The following CDC45 variants were observed in gnomAD, a reference collection of about 807,000 sequenced individuals.
The protein encoded by CDC45 is cell division cycle 45, also known as cell division control protein 45 homolog.
Under a neutral mutation model 77.8 loss-of-function variants are expected in CDC45, and 54 were observed. That is an observed-to-expected ratio of 0.69 (90% CI 0.56 to 0.87). CDC45 has a LOEUF of 0.87. Among genes scored for constraint, CDC45 ranks in the 40% least tolerant of loss-of-function variants. The probability of loss-of-function intolerance (pLI) is 0.00; values close to 1 mark genes in which losing one functional copy is unlikely to be tolerated. For missense variants in CDC45, 649 were observed against 721.6 expected, an observed-to-expected ratio of 0.90 and a Z score of 1.15; for synonymous variants, 260 against 272.1, an observed-to-expected ratio of 0.96 and a Z score of 0.44.
intron 9 of CDC45, 54 bp from the exon 10 acceptor site, chr22:19,505,308 G>A (rs1461840149): frequency 6.2e-7 from 1 of 1,612,604 alleles, no homozygotes; most frequent in African/African-American, 1.3e-5. Flanking sequence ...GGCTTAGGCT[G>A]CCTGGTAAGA....
rs185630685 is a variant in CDC45, at chr22:19,520,265, C to T, written c.*2-216C>T. 3.9e-5 allele frequency among the ~76,000 whole-genome samples: 6 copies of T among 152,106 alleles called. No individual in the cohort carries two copies. In the East Asian group the frequency reaches 5.8e-4, roughly 15 times the overall value. The stretch of plus-strand genomic sequence containing the variant: ...GGGGTCCGTGAGGTAAGAAGGTGCC[C>T]GGGCCAGGGGGCAGGAGCTCTGATG... On this transcript the variant is annotated intron_variant, in intron 18 of 18. Coordinates refer to ENST00000263201, the MANE Select transcript of CDC45 (RefSeq NM_003504.5). The surrounding 1 kb of genome is among the most constrained non-coding windows in gnomAD (Gnocchi z 4.5).
intron 10 of CDC45, 89 bp from the exon 11 acceptor site, chr22:19,507,297 C>T (rs1340052962): frequency 9.3e-6 from 14 of 1,500,658 alleles, no homozygotes; most frequent in African/African-American, 2.7e-5. Flanking sequence ...GAGAAAGGGC[C>T]CCGCCATCAG....
chr22:19,489,514 C>T (rs1006530981), intron 5 of CDC45, among the ~76,000 whole-genome samples: 8 of 152,046 alleles, frequency 5.3e-5, no homozygotes, highest in Non-Finnish European at 8.8e-5. Flanking sequence ...TTGGGATTGG[C>T]TTTTTTTCGC....
chr22:19,514,597 C>A (rs545681739), intron 13 of CDC45, 152 bp from the exon 14 acceptor site: 6 of 636,634 alleles, frequency 9.4e-6, no homozygotes, highest in African/African-American at 7.3e-5. Context: ...TCTTTCCTTT[C>A]ATGTGAAAGA....
Position 19,516,910 on chromosome 22 carries a change from A to G in CDC45, c.1636+17A>G. The G allele has an allele frequency of 1.3e-6, 2 of 1,599,626 alleles. No individual in the cohort carries two copies. The highest frequency in any genetic ancestry group is 1.7e-4 in the Middle Eastern group (1 of 6,026). ...ACCTCTCAGGTGAGAGTCTCCTGCC[A>G]CTCTGCCACACTTTCCCACCTGACC... On this transcript the variant is annotated intron_variant, in intron 17 of 18. Coordinates refer to ENST00000263201, the MANE Select transcript of CDC45 (RefSeq NM_003504.5).
At chr22:19,480,076 G>C in intron 1 of CDC45, 57 bp downstream of exon 1, 6 of 1,612,796 alleles carry the variant, frequency 3.7e-6, no homozygotes, top group Non-Finnish European at 4.2e-6. Flanking sequence ...GGGATGAGGG[G>C]GAGCGACCGT....
Position 19,510,612 on chromosome 22 carries a change from T to A in CDC45, c.1217+1921T>A, listed in dbSNP as rs147867345. On this transcript the variant is annotated intron_variant, in intron 13 of 18. Transcript: ENST00000263201. ...GGCACGCTCTCGGCTCACTGCAACC[T>A]TCGCCTCCTGGGTTCAAGCAATTCT... is the stretch of plus-strand genomic sequence containing the variant. 3.3e-3 allele frequency among the ~76,000 whole-genome samples: 504 copies of A among 152,250 alleles called. 5 individuals are homozygous for A. The highest frequency in any genetic ancestry group is 0.012 in the African/African-American group (483 of 41,544).
At chr22:19,508,002 C>T (rs561466314) in intron 12 of CDC45, 138 bp downstream of exon 12, 2 of 622,442 alleles carry the variant, frequency 3.2e-6, no homozygotes, top group Admixed American at 3.3e-5. Flanking sequence ...AACAACAACC[C>T]GAGAATGTAC....
chr22:19,507,770 C>A lies in CDC45; in HGVS notation c.961C>A (p.Pro321Thr). 2 of 1,594,382 alleles carry A rather than the reference C, an allele frequency of 1.3e-6. No homozygotes were observed. The highest frequency in any genetic ancestry group is 1.7e-6 in the Non-Finnish European group (2 of 1,171,822). ...GCTTGGGCTTGCTCTTTCCAGTCTT[C>A]CCCTGAAGCAGGTGAAGCAGAAGTT... is the stretch of plus-strand genomic sequence containing the variant. ...LQEFLADMGL[P>T]LKQVKQKFQA... The change falls in exon 12 of 19, where the codon CCC becomes ACC. Residue 321 changes from proline (P) to threonine (T), a missense_variant. Coordinates refer to ENST00000263201, the MANE Select transcript of CDC45 (RefSeq NM_003504.5).
rs775174230 is a variant in CDC45, at chr22:19,516,665, C to A, written c.1559+20C>A. ...GAAGAAGTGAGCAGCTTCCACTCGTCCTGGGACTGGAGGGTCGGGGGTGTT... is the reference window on the plus strand; with the variant it reads ...GAAGAAGTGAGCAGCTTCCACTCGTACTGGGACTGGAGGGTCGGGGGTGTT... On this transcript the variant is annotated intron_variant, in intron 16 of 18. Coordinates refer to ENST00000263201, the MANE Select transcript of CDC45 (RefSeq NM_003504.5). 6.3e-7 allele frequency: 1 copy of A among 1,597,866 alleles called. No homozygotes were observed. The highest frequency in any genetic ancestry group is 1.1e-5 in the South Asian group (1 of 90,726).
intron 18 of CDC45, 39 bp downstream of exon 18, chr22:19,518,948 C>T (rs1218529589): frequency 6.8e-7 from 1 of 1,470,740 alleles, no homozygotes; most frequent in Non-Finnish European, 9.5e-7. Flanking sequence ...CTGCAGCAGC[C>T]CCCTCAGAGC....
At chr22:19,506,342 C>T (rs1226141794) in intron 10 of CDC45, among the ~76,000 whole-genome samples, 1 of 152,016 alleles carries the variant, frequency 6.6e-6, no homozygotes, top group African/African-American at 2.4e-5. Context: ...ATGTGCGTGG[C>T]AGGGTGGGCT....
chr22:19,494,666 A>G (rs1568920988), intron 6 of CDC45: 1 of 1,058,454 alleles, frequency 9.4e-7, no homozygotes, highest in Non-Finnish European at 1.4e-6. Context: ...TTTCCAATGT[A>G]GATACTTTGA....
chr22:19,501,404 A>G (rs1219389304), intron 9 of CDC45, among the ~76,000 whole-genome samples: 1 of 152,198 alleles, frequency 6.6e-6, no homozygotes, highest in Non-Finnish European at 1.5e-5. Flanking sequence ...CAGCAAAGAC[A>G]GTTTCTGGTT....
rs13447189 is a variant in CDC45, at chr22:19,480,991, T to C, written c.150T>C (p.Val50=). The C allele has an allele frequency of 0.049, 79,191 of 1,612,896 alleles. 2,762 individuals are homozygous for C. The highest frequency in any genetic ancestry group is 0.13 in the South Asian group (11,845 of 90,834). Residue 50 remains valine, a synonymous_variant, in exon 3 of 19, where the codon GTT becomes GTC. Coordinates refer to ENST00000263201, the MANE Select transcript of CDC45 (RefSeq NM_003504.5). ...FQCDHVQYTL[V]PVSGWQELET... ...GTGACCACGTGCAATATACGCTGGT[T>C]CCAGTTTCTGGGTGGCAAGAACTTG... is the stretch of plus-strand genomic sequence containing the variant.
At chr22:19,515,146 G>T in intron 15 of CDC45, 98 bp downstream of exon 15, 4 of 1,102,278 alleles carry the variant, frequency 3.6e-6, no homozygotes, top group Non-Finnish European at 5.1e-6. Context: ...GCCTGTGGCT[G>T]TTGACCAGCT....
intron 12 of CDC45, 90 bp downstream of exon 12, chr22:19,507,954 CA>C (rs544647522): frequency 2.6e-5 from 21 of 798,434 alleles, no homozygotes; most frequent in Admixed American, 6.0e-5. Context: ...TAAAATAATG[CA>C]AAAAAAACCA....
At chr22:19,492,053 G>A (rs2090161613) in intron 5 of CDC45, among the ~76,000 whole-genome samples, 1 of 152,066 alleles carries the variant, frequency 6.6e-6, no homozygotes, top group Non-Finnish European at 1.5e-5. Flanking sequence ...CAATCTGCCC[G>A]CCTCGGCCTC....
In CDC45 at chr22:19,501,762, T is replaced by C. The variant is rs566824992; in HGVS notation, c.704+2611T>C. Among the ~76,000 whole-genome samples the C allele has an allele frequency of 2.0e-5, 3 of 152,360 alleles. No individual in the cohort carries two copies. In the East Asian group the frequency reaches 5.8e-4, roughly 29 times the overall value. On this transcript the variant is annotated intron_variant, in intron 9 of 18. Coordinates refer to ENST00000263201, the MANE Select transcript of CDC45 (RefSeq NM_003504.5). ...TGGGGTCTTGCTCTGTCTCACAGGCTGGAGTGTGTTGGCATGAACGTAACT... is the reference window on the plus strand; with the variant it reads ...TGGGGTCTTGCTCTGTCTCACAGGCCGGAGTGTGTTGGCATGAACGTAACT...
Sources: gnomAD v4.1 joint callset for allele counts (sites outside exome capture counted in the v4.1 genomes callset) on GRCh38, gnomAD v4.1.1 for gene constraint, Gnocchi (gnomAD v3.1) non-coding constraint, MANE v1.5 for transcripts, NCBI Gene and HGNC (gene_info 2026-07-23, HGNC 2026-07-21) for gene names.